The following CFAP58 variants were observed in gnomAD, a reference collection of about 807,000 sequenced individuals.
The protein encoded by CFAP58 is cilia- and flagella-associated protein 58.
Under a neutral mutation model 119.5 loss-of-function variants are expected in CFAP58, and 88 were observed. That is an observed-to-expected ratio of 0.74 (90% CI 0.62 to 0.88). The LOEUF is 0.88. Among genes scored for constraint, CFAP58 ranks in the 40% least tolerant of loss-of-function variants. The pLI, the probability that CFAP58 is intolerant of heterozygous loss-of-function variation, is 0.00. For synonymous variants in CFAP58, 365 were observed against 366.3 expected (o/e 1.00, Z 0.04); for missense variants, 990 against 1,021.2 (o/e 0.97, Z 0.42).
intron 15 of CFAP58, among the ~76,000 whole-genome samples, chr10:104,423,854 T>C (rs564645089): frequency 6.6e-6 from 1 of 152,352 alleles, no homozygotes; most frequent in Non-Finnish European, 1.5e-5. Context: ...ATCTCCTCTG[T>C]TGGTGTTTTA....
chr10:104,380,179 C>A lies in CFAP58; in HGVS notation c.1324C>A (p.Arg442Ser). 1.2e-6 allele frequency: 2 copies of A among 1,614,012 alleles called. No homozygotes were observed. The highest frequency in any genetic ancestry group is 1.7e-6 in the Non-Finnish European group (2 of 1,179,950). ...GATCATCTTTCATCTGGAAAAGGAG[C>A]GTGACCGGTACATCAACCAAGCCAG... ...RKIIFHLEKE[R>S]DRYINQASDL... The change falls in exon 9 of 18, where the codon CGT becomes AGT. Residue 442 changes from arginine to serine, a missense_variant. Physicochemically the swap from Arg to Ser is moderately radical, Grantham distance 110 (BLOSUM62 -1). Transcript: ENST00000369704.
At chr10:104,392,180 A>C (rs1313776245) in intron 9 of CFAP58, 53 bp from the exon 10 acceptor site, 1 of 1,511,798 alleles carries the variant, frequency 6.6e-7, no homozygotes, top group Non-Finnish European at 9.0e-7. Flanking sequence ...GTCCTGAACC[A>C]ATAAGCACAG....
At chr10:104,422,595 T>A (rs1219534703) in intron 15 of CFAP58, among the ~76,000 whole-genome samples, 1 of 152,148 alleles carries the variant, frequency 6.6e-6, no homozygotes, top group East Asian at 1.9e-4. Context: ...GCTGGTTCAT[T>A]TGGGTGGGAT....
chr10:104,370,086 T>C (rs1024156065), intron 6 of CFAP58, among the ~76,000 whole-genome samples: 1 of 152,186 alleles, frequency 6.6e-6, no homozygotes, highest in African/African-American at 2.4e-5. Context: ...CTCTAGTGTA[T>C]ATAATTGACC....
chr10:104,453,624 A>C (rs2013228007), intron 17 of CFAP58, among the ~76,000 whole-genome samples: 1 of 152,096 alleles, frequency 6.6e-6, no homozygotes, highest in Non-Finnish European at 1.5e-5. Flanking sequence ...ATAATTGTCC[A>C]ATCTAATTGG....
chr10:104,352,723 A>G (rs1228540538), upstream of CFAP58, among the ~76,000 whole-genome samples: 2 of 152,144 alleles, frequency 1.3e-5, no homozygotes, highest in Non-Finnish European at 2.9e-5. Context: ...TGTATTGGAG[A>G]ATTAGAGGCG....
chr10:104,441,458 A>C (rs1013351335), intron 15 of CFAP58, among the ~76,000 whole-genome samples: 1 of 152,248 alleles, frequency 6.6e-6, no homozygotes, highest in Non-Finnish European at 1.5e-5. Context: ...CAAATTCTTC[A>C]CATGGATTAA....
chr10:104,388,869 G>A (rs2011979597), intron 9 of CFAP58, among the ~76,000 whole-genome samples: 1 of 152,142 alleles, frequency 6.6e-6, no homozygotes, highest in African/African-American at 2.4e-5. Flanking sequence ...TACTTCTGTC[G>A]TGCACTGTAA....
At chr10:104,416,529 T>G (rs937650823) in intron 15 of CFAP58, among the ~76,000 whole-genome samples, 2 of 152,182 alleles carry the variant, frequency 1.3e-5, no homozygotes, top group African/African-American at 4.8e-5. Flanking sequence ...ATAGGAGGGT[T>G]TGAATGGATC....
At chr10:104,449,182 C>T (rs369842279) in intron 16 of CFAP58, among the ~76,000 whole-genome samples, 37 of 146,794 alleles carry the variant, frequency 2.5e-4, no homozygotes, top group Admixed American at 1.1e-3. Context: ...TTTTTTCCAG[C>T]ATGAAAATTA....
chr10:104,415,162 G>A (rs960676966), intron 15 of CFAP58, among the ~76,000 whole-genome samples: 18 of 152,146 alleles, frequency 1.2e-4, no homozygotes, highest in Non-Finnish European at 5.9e-5. Flanking sequence ...TCTGGAGTGG[G>A]CAGGTGTCTC....
At chr10:104,387,371 G>A (rs1349735742) in intron 9 of CFAP58, among the ~76,000 whole-genome samples, 2 of 152,142 alleles carry the variant, frequency 1.3e-5, no homozygotes, top group Non-Finnish European at 2.9e-5. Flanking sequence ...GAAGGAAGGA[G>A]AACAAGAGAC....
intron 7 of CFAP58, 149 bp from the exon 8 acceptor site, chr10:104,376,662 G>T: frequency 1.7e-6 from 1 of 579,236 alleles, no homozygotes; most frequent in Non-Finnish European, 3.1e-6. Context: ...TACCTCACTT[G>T]GTTATACCAA....
chr10:104,427,681 C>A lies in CFAP58; in HGVS notation c.2257-20017C>A, dbSNP rs567199886. ...AATGAAATTCCCTACAGAGAATGTG[C>A]ACCCATGCCTTGTCTGTGCTCTAAA... On this transcript the variant is annotated intron_variant, in intron 15 of 17. Coordinates refer to ENST00000369704, the MANE Select transcript of CFAP58 (RefSeq NM_001008723.2). Among the ~76,000 whole-genome samples, 3 of 152,298 alleles carry A rather than the reference C, an allele frequency of 2.0e-5. No individual in the cohort carries two copies. In the South Asian group the frequency reaches 6.2e-4, roughly 32 times the overall value.
intron 9 of CFAP58, among the ~76,000 whole-genome samples, chr10:104,390,533 A>G (rs148809681): frequency 5.0e-4 from 76 of 152,334 alleles, no homozygotes; most frequent in African/African-American, 1.8e-3. Context: ...ATAATAGTAC[A>G]TATCTTAGAG....
intron 6 of CFAP58, 114 bp downstream of exon 6, chr10:104,368,674 C>A: frequency 9.1e-7 from 1 of 1,095,592 alleles, no homozygotes; most frequent in Non-Finnish European, 1.3e-6. Context: ...AGTACATTGA[C>A]ACATCAGAGG....
At position 104,353,881 on chromosome 10, in the gene CFAP58, C is replaced by A. The variant is rs749874622; in HGVS notation, c.-17C>A. 3 of 1,612,938 alleles carry A rather than the reference C, an allele frequency of 1.9e-6. No individual in the cohort carries two copies. Among genetic ancestry groups the A allele is most frequent in the South Asian group, 1.1e-5 (1 of 91,048 alleles). On this transcript the variant is annotated 5_prime_UTR_variant, in exon 1 of 18. Coordinates refer to ENST00000369704, the MANE Select transcript of CFAP58 (RefSeq NM_001008723.2). ...TCTCCACAGCAGCCTCTGAGGCCGC[C>A]CCCAGAGAGCATCAGGATGGCTGAG... is the stretch of plus-strand genomic sequence containing the variant.
intron 15 of CFAP58, among the ~76,000 whole-genome samples, chr10:104,429,720 C>T (rs771950411): frequency 6.6e-6 from 1 of 152,186 alleles, no homozygotes. Flanking sequence ...TTTATACCAT[C>T]CCTCACTTTT....
intron 13 of CFAP58, among the ~76,000 whole-genome samples, chr10:104,403,511 CTT>C (rs572839157): frequency 3.0e-5 from 4 of 133,106 alleles, no homozygotes; most frequent in Admixed American, 2.3e-4. Flanking sequence ...AGCCCTGGCA[CTT>C]TTTTTTTTTT....
Sources: gnomAD v4.1 joint callset for allele counts (sites outside exome capture counted in the v4.1 genomes callset) on GRCh38, gnomAD v4.1.1 for gene constraint, MANE v1.5 for transcripts, NCBI Gene and HGNC (gene_info 2026-07-23, HGNC 2026-07-21) for gene names.